The following DOHH variants were observed in gnomAD, a reference collection of about 807,000 sequenced individuals.
The protein encoded by DOHH is HEAT-like (PBS lyase) repeat containing 1.
A neutral mutation model predicts 19.9 loss-of-function variants in DOHH; 16 were observed. The ratio of observed to expected loss-of-function variants is 0.80; its 90% CI spans 0.54 to 1.22. The LOEUF (loss-of-function observed/expected upper bound fraction) is 1.22. Ranked by LOEUF, DOHH falls within the 50% of genes most tolerant of loss-of-function variation. The probability of loss-of-function intolerance (pLI) is 0.00; values close to 1 mark genes in which losing one functional copy is unlikely to be tolerated. For synonymous variants in DOHH, 233 were observed against 217.0 expected (o/e 1.07, Z -0.65); for missense variants, 460 against 460.6 (o/e 1.00, Z 0.01).
rs1487035784 is a variant in DOHH at position 3,491,075 on chromosome 19, C to T, written c.*417G>A. The T allele has an allele frequency of 9.0e-6, 2 of 221,542 alleles. No individual in the cohort carries two copies. The highest frequency in any genetic ancestry group is 5.6e-5 in the African/African-American group (2 of 36,008). The allele number at this position is 221,542 out of a possible 1,614,324, so 13.7% of individuals were successfully genotyped here. A position where few individuals can be genotyped will look rare whatever the true frequency, so the allele number is the denominator to read the frequency against. On this transcript the variant is annotated 3_prime_UTR_variant, in exon 5 of 5. Transcript: ENST00000427575. The surrounding 1 kb of genome is among the most constrained non-coding windows in gnomAD (Gnocchi z 5.6). ...CCCTCGCGATCCTCCCCTGGCTCCC[C>T]TCGCGATCCTCCCTTGGCTTCCCTC...
chr19:3,496,738 C>G lies in DOHH; in HGVS notation c.77G>C (p.Arg26Pro). The change falls in exon 2 of 5, where the codon CGG (arginine) becomes CCG (proline). Residue 26 changes from arginine to proline, a missense_variant. Coordinates refer to ENST00000427575, the MANE Select transcript of DOHH (RefSeq NM_001145165.2). This position sits in a 1 kb window ranked among gnomAD's most constrained non-coding sequence, Gnocchi z 4.8. ...DPKQPLQARF[R>P]ALFTLRGLGG... ...GAGCCCACGCAGCGTGAACAGCGCC[C>G]GGAAGCGGGCCTGCAGGGGCTGCTT... The G allele has an allele frequency of 1.2e-6, 2 of 1,612,012 alleles. No individual in the cohort carries two copies. Among genetic ancestry groups the G allele is most frequent in the South Asian group, 2.2e-5 (2 of 91,024 alleles).
intron 2 of DOHH, among the ~76,000 whole-genome samples, chr19:3,495,652 G>T (rs530656057): frequency 6.6e-6 from 1 of 152,180 alleles, no homozygotes; most frequent in Admixed American, 6.5e-5. Context: ...GCTCATGCCT[G>T]TAATCCCAGC....
chr19:3,495,058 C>T (rs573342113), intron 2 of DOHH, among the ~76,000 whole-genome samples: 1 of 152,094 alleles, frequency 6.6e-6, no homozygotes, highest in Non-Finnish European at 1.5e-5. Flanking sequence ...CTGAAAACTC[C>T]GCCTCCTGGG....
At chr19:3,499,188 G>A (rs535381775) in intron 1 of DOHH, among the ~76,000 whole-genome samples, 4 of 152,266 alleles carry the variant, frequency 2.6e-5, no homozygotes, top group South Asian at 4.1e-4. Flanking sequence ...AGGAACACCC[G>A]TGCTCATCCT....
At position 3,496,713 on chromosome 19, in the gene DOHH, G is replaced by A. The variant is rs377309810; in HGVS notation, c.102C>T (p.Leu34=). Residue 34 remains leucine (L), a synonymous_variant, in exon 2 of 5, where the codon CTC becomes CTT. Transcript: ENST00000427575. The surrounding 1 kb of genome is among the most constrained non-coding windows in gnomAD (Gnocchi z 4.8). ...RFRALFTLRG[L]GGPGAIAWIS... ...TCCATGCAATGGCGCCTGGGCCGCCGAGCCCACGCAGCGTGAACAGCGCCC... is the reference window on the plus strand; with the variant it reads ...TCCATGCAATGGCGCCTGGGCCGCCAAGCCCACGCAGCGTGAACAGCGCCC... 1.9e-5 allele frequency: 31 copies of A among 1,613,244 alleles called. No homozygotes were observed. The highest frequency in any genetic ancestry group is 6.7e-5 in the African/African-American group (5 of 74,950).
chr19:3,498,475 G>A (rs1428004988), intron 1 of DOHH, among the ~76,000 whole-genome samples: 4 of 151,836 alleles, frequency 2.6e-5, no homozygotes, highest in South Asian at 2.1e-4. Flanking sequence ...GCATTATCTC[G>A]GCTCACCACA....
chr19:3,491,339 C>A lies in DOHH; in HGVS notation c.*153G>T. ...GAGTCACAGCACAACGGCAGCTCCT[C>A]GGTCCCAGACGGAGGAGGGGGACAG... On this transcript the variant is annotated 3_prime_UTR_variant, in exon 5 of 5. Transcript: ENST00000427575. This position sits in a 1 kb window ranked among gnomAD's most constrained non-coding sequence, Gnocchi z 5.6. 1 of 796,656 alleles carries A rather than the reference C, an allele frequency of 1.3e-6. No individual in the cohort carries two copies. Among genetic ancestry groups the A allele is most frequent in the Non-Finnish European group, 1.9e-6 (1 of 517,100 alleles). 49.3% of individuals were successfully genotyped at this position (796,656 alleles called of 1,614,324 possible). A position where few individuals can be genotyped will look rare whatever the true frequency, so the allele number is the denominator to read the frequency against.
chr19:3,498,709 AC>A (rs1332629279), intron 1 of DOHH, among the ~76,000 whole-genome samples: 2 of 152,154 alleles, frequency 1.3e-5, no homozygotes, highest in Non-Finnish European at 2.9e-5. Context: ...CCAGCCAATA[AC>A]GAAGGAATTC....
chr19:3,496,569 A>G lies in DOHH; in HGVS notation c.246T>C (p.Arg82=). ...PMLVDVLQDT[R]QEPMVRHEAG... ...CCTCATGGCGCACCATGGGCTCCTG[A>G]CGGGTGTCTTGCAGCACGTCCACCA... is the stretch of plus-strand genomic sequence containing the variant. The change falls in exon 2 of 5, where the codon CGT becomes CGC. Residue 82 remains arginine (R), a synonymous_variant. Coordinates refer to ENST00000427575, the MANE Select transcript of DOHH (RefSeq NM_001145165.2). The surrounding 1 kb of genome is among the most constrained non-coding windows in gnomAD (Gnocchi z 4.8). 1 of 1,613,492 alleles carries G rather than the reference A, an allele frequency of 6.2e-7. No homozygotes were observed. The highest frequency in any genetic ancestry group is 8.5e-7 in the Non-Finnish European group (1 of 1,179,854).
intron 2 of DOHH, among the ~76,000 whole-genome samples, chr19:3,494,811 G>A (rs1484084789): frequency 1.3e-5 from 2 of 152,206 alleles, no homozygotes; most frequent in African/African-American, 4.8e-5. Context: ...TCCCTCTGCC[G>A]GGAAAAGTCC....
At chr19:3,492,520 G>A in intron 3 of DOHH, 21 bp from the exon 4 acceptor site, 1 of 1,371,858 alleles carries the variant, frequency 7.3e-7, no homozygotes, top group South Asian at 1.7e-5. Context: ...GGGGTATCAG[G>A]CAGCGGGTTG....
chr19:3,492,245 C>T lies in DOHH; in HGVS notation c.589+17G>A, dbSNP rs78690374. On this transcript the variant is annotated intron_variant, in intron 4 of 4. Coordinates refer to ENST00000427575, the MANE Select transcript of DOHH (RefSeq NM_001145165.2). Reference sequence around the variant, plus strand: ...CGAGGCACTGCCCAGGACCCCACCCCAGAAGCCCCTCCTCACCCTCGGCCA... The same window carrying T: ...CGAGGCACTGCCCAGGACCCCACCCTAGAAGCCCCTCCTCACCCTCGGCCA... The T allele has an allele frequency of 0.021, 30,222 of 1,454,334 alleles. 1,285 individuals are homozygous for T. The highest frequency in any genetic ancestry group is 0.17 in the East Asian group (6,322 of 37,274). The allele number at this position is 1,454,334 out of a possible 1,614,324, so 90.1% of individuals were successfully genotyped here. A position where few individuals can be genotyped will look rare whatever the true frequency, so the allele number is the denominator to read the frequency against.
At position 3,494,021 on chromosome 19, in the gene DOHH, T is replaced by C; in HGVS notation, c.351+7A>G. 2 of 1,612,088 alleles carry C rather than the reference T, an allele frequency of 1.2e-6. No individual in the cohort carries two copies. The highest frequency in any genetic ancestry group is 1.7e-6 in the Non-Finnish European group (2 of 1,178,966). On this transcript the variant is annotated splice_region_variant and intron_variant, in intron 3 of 4. Coordinates refer to ENST00000427575, the MANE Select transcript of DOHH (RefSeq NM_001145165.2). Reference sequence around the variant, plus strand: ...ACTGGCAGGGAGACAAGCAGGGGCCTGGTTACCTCGATGACGGGGTCCGAG... The same window carrying C: ...ACTGGCAGGGAGACAAGCAGGGGCCCGGTTACCTCGATGACGGGGTCCGAG...
chr19:3,496,448 A>G lies in DOHH; in HGVS notation c.274+93T>C. 8.5e-6 allele frequency: 13 copies of G among 1,524,572 alleles called. No individual in the cohort carries two copies. The highest frequency in any genetic ancestry group is 1.8e-4 in the Middle Eastern group (1 of 5,626). 94.4% of individuals were successfully genotyped at this position (1,524,572 alleles called of 1,614,324 possible). A position where few individuals can be genotyped will look rare whatever the true frequency, so the allele number is the denominator to read the frequency against. On this transcript the variant is annotated intron_variant, in intron 2 of 4. Coordinates refer to ENST00000427575, the MANE Select transcript of DOHH (RefSeq NM_001145165.2). The surrounding 1 kb of genome is among the most constrained non-coding windows in gnomAD (Gnocchi z 4.8). ...CTCTATGGGGCAGTTGACCACTCTG[A>G]TATTTATCACCTGAGTGAGGAAGGG...
chr19:3,492,603 G>A (rs2082879573), intron 3 of DOHH, 104 bp from the exon 4 acceptor site: 10 of 936,472 alleles, frequency 1.1e-5, no homozygotes, highest in Non-Finnish European at 1.5e-5. Context: ...GACACTGGCA[G>A]GGTGACTAAC....
At position 3,496,489 on chromosome 19, in the gene DOHH, G is replaced by A. The variant is rs946339022; in HGVS notation, c.274+52C>T. 2.5e-5 allele frequency: 40 copies of A among 1,577,714 alleles called. No individual in the cohort carries two copies. The highest frequency in any genetic ancestry group is 4.3e-6 in the Non-Finnish European group (5 of 1,161,748). On this transcript the variant is annotated intron_variant, in intron 2 of 4. Transcript: ENST00000427575. This position sits in a 1 kb window ranked among gnomAD's most constrained non-coding sequence, Gnocchi z 4.8. ...TGAGGAAGGGGACACGTGGGGTCAT[G>A]AAGAAGTGAGGCAGGAGGGAGCAGG...
rs185505117 is a variant in DOHH, at chr19:3,496,998, C to T, written c.-72-112G>A. The T allele has an allele frequency of 3.3e-4, 233 of 700,192 alleles. No homozygotes were observed. The African/African-American group carries it at 3.6e-3, about 11-fold the overall frequency. 43.4% of individuals were successfully genotyped at this position (700,192 alleles called of 1,614,324 possible). ...ACCCACTGACCAACCTGAGCATCTA[C>T]GCTGAAAGCTCAGCTCCAACCTCCC... is the stretch of plus-strand genomic sequence containing the variant. On this transcript the variant is annotated intron_variant, in intron 1 of 4. Coordinates refer to ENST00000427575, the MANE Select transcript of DOHH (RefSeq NM_001145165.2). The surrounding 1 kb of genome is among the most constrained non-coding windows in gnomAD (Gnocchi z 4.8).
chr19:3,497,449 G>A (rs1468361709), intron 1 of DOHH, among the ~76,000 whole-genome samples: 3 of 152,164 alleles, frequency 2.0e-5, no homozygotes, highest in African/African-American at 7.2e-5. Context: ...CAACAGCCAT[G>A]TGAGAGAAGT....
chr19:3,492,521 C>T, intron 3 of DOHH, 22 bp from the exon 4 acceptor site: 2 of 1,371,900 alleles, frequency 1.5e-6, no homozygotes, highest in East Asian at 6.0e-5. Context: ...GGGTATCAGG[C>T]AGCGGGTTGG....
Sources: gnomAD v4.1 joint callset for allele counts (sites outside exome capture counted in the v4.1 genomes callset) on GRCh38, gnomAD v4.1.1 for gene constraint, Gnocchi (gnomAD v3.1) non-coding constraint, MANE v1.5 for transcripts, NCBI Gene and HGNC (gene_info 2026-07-23, HGNC 2026-07-21) for gene names.